GPHN: variants seen among roughly 807,000 people sequenced by gnomAD.
GPHN encodes the protein gephyrin.
GPHN carries 17 observed loss-of-function variants against 95.5 expected under a neutral mutation model. The observed-to-expected ratio is 0.18, with a 90% CI of 0.12 to 0.27. GPHN has a LOEUF of 0.27. Ranked by LOEUF, GPHN falls within the 10% of genes least tolerant of loss-of-function variation. GPHN has a pLI of 1.00. For synonymous variants in GPHN, 320 were observed against 322.5 expected, an observed-to-expected ratio of 0.99 and a Z score of 0.08; for missense variants, 660 against 978.1, an observed-to-expected ratio of 0.67 and a Z score of 4.34.
chr14:67,088,906 A>T, intron 11 of GPHN, 77 bp from the exon 12 acceptor site: 1 of 811,654 alleles, frequency 1.2e-6, no homozygotes, highest in Non-Finnish European at 2.2e-6. Context: ...ACAAGCACTC[A>T]TGCCCATCTT....
the GPHN span, among the ~76,000 whole-genome samples, chr14:67,243,877 C>T: frequency 5.9e-5 from 9 of 152,270 alleles, no homozygotes; most frequent in East Asian, 1.5e-3. Flanking sequence ...AGTCTAACCT[C>T]TTCATTTTCC....
intron 1 of GPHN, among the ~76,000 whole-genome samples, chr14:66,527,241 T>A (rs2058726828): frequency 6.6e-6 from 1 of 152,224 alleles, no homozygotes; most frequent in African/African-American, 2.4e-5. Flanking sequence ...TCTTCTAGAT[T>A]TTCTAGTTTA....
chr14:67,198,182 G>C, the GPHN span: 1 of 1,612,890 alleles, frequency 6.2e-7, no homozygotes, highest in Non-Finnish European at 8.5e-7. Context: ...ACACCAGCAA[G>C]ACTACCATGA....
chr14:67,572,299 GGCAGGGTGGAA>G, the GPHN span: 11 of 1,569,942 alleles, frequency 7.0e-6, no homozygotes, highest in Non-Finnish European at 7.7e-6. Flanking sequence ...AACGGGCGGG[GGCAGGGTGGAA>G]GCAGAATGCA....
chr14:67,540,625 CA>C, the GPHN span, among the ~76,000 whole-genome samples: 10,289 of 122,946 alleles, frequency 0.084, 931 homozygotes, highest in African/African-American at 0.25. Flanking sequence ...GACTCTCCCT[CA>C]AAAAAAAAAA....
chr14:67,339,468 G>A, the GPHN span, among the ~76,000 whole-genome samples: 1 of 152,024 alleles, frequency 6.6e-6, no homozygotes, highest in Non-Finnish European at 1.5e-5. Context: ...CTAACTCCAG[G>A]TCTAAGACCC....
At chr14:67,627,900 T>C in the GPHN span, among the ~76,000 whole-genome samples, 2 of 152,238 alleles carry the variant, frequency 1.3e-5, no homozygotes, top group South Asian at 4.1e-4. Context: ...AATGAGCTTG[T>C]TTGTTTAAGG....
the GPHN span, chr14:67,684,957 C>A: frequency 6.8e-7 from 1 of 1,465,462 alleles, no homozygotes. Flanking sequence ...CCCAGACAAA[C>A]CCAAATTATC....
chr14:67,607,651 C>A, the GPHN span, among the ~76,000 whole-genome samples: 1 of 152,186 alleles, frequency 6.6e-6, no homozygotes, highest in Non-Finnish European at 1.5e-5. Context: ...AGGCGTGAGC[C>A]ACCACGCCCG....
intron 1 of GPHN, among the ~76,000 whole-genome samples, chr14:66,524,133 A>G (rs1367052635): frequency 1.3e-5 from 2 of 152,122 alleles, no homozygotes; most frequent in African/African-American, 2.4e-5. Context: ...TGTGGGTACT[A>G]TGGTTATGGA....
At chr14:67,343,206 AC>A in the GPHN span, among the ~76,000 whole-genome samples, 1 of 151,762 alleles carries the variant, frequency 6.6e-6, no homozygotes, top group Admixed American at 6.6e-5. Flanking sequence ...ACACTTCATA[AC>A]ACTTTTTTTT....
At chr14:67,186,255 T>C (rs574835099), downstream of GPHN, among the ~76,000 whole-genome samples, 1 of 151,432 alleles carries the variant, frequency 6.6e-6, no homozygotes, top group East Asian at 2.0e-4. Context: ...AGGAAAACAA[T>C]TTAAATGCAG....
the GPHN span, among the ~76,000 whole-genome samples, chr14:67,419,810 C>G: frequency 6.6e-6 from 1 of 151,188 alleles, no homozygotes; most frequent in African/African-American, 2.4e-5. Flanking sequence ...GATCGCGCCA[C>G]GGCACTCCAG....
chr14:66,747,660 A>G (rs2058204957), intron 2 of GPHN, among the ~76,000 whole-genome samples: 1 of 151,540 alleles, frequency 6.6e-6, no homozygotes, highest in African/African-American at 2.4e-5. Flanking sequence ...AAATTGTTTT[A>G]TTATTTTTTC....
At chr14:66,535,473 A>G (rs1212489667) in intron 1 of GPHN, among the ~76,000 whole-genome samples, 1 of 151,856 alleles carries the variant, frequency 6.6e-6, no homozygotes, top group African/African-American at 2.4e-5. Flanking sequence ...TTCCATATAC[A>G]TTTAGAATCA....
At chr14:67,564,466 T>G in the GPHN span, among the ~76,000 whole-genome samples, 1 of 152,040 alleles carries the variant, frequency 6.6e-6, no homozygotes, top group Non-Finnish European at 1.5e-5. Context: ...AGATCATTCT[T>G]TTTTTAACTG....
At chr14:67,587,000 G>A in the GPHN span, 1 of 1,527,084 alleles carries the variant, frequency 6.5e-7, no homozygotes, top group African/African-American at 1.4e-5. Context: ...CTCAGCATAA[G>A]AGCTAATAAG....
intron 3 of GPHN, among the ~76,000 whole-genome samples, chr14:66,788,303 C>T (rs990111029): frequency 3.3e-5 from 5 of 152,154 alleles, no homozygotes; most frequent in South Asian, 2.1e-4. Context: ...AACGAGACTC[C>T]GTCTCAAAAA....
At chr14:66,616,502 C>T (rs1416465548) in intron 1 of GPHN, among the ~76,000 whole-genome samples, 4 of 151,756 alleles carry the variant, frequency 2.6e-5, no homozygotes, top group Admixed American at 6.6e-5. Flanking sequence ...GCTGGGGGTT[C>T]ACTTCAGGCC....
Sources: gnomAD v4.1 joint callset for allele counts (sites outside exome capture counted in the v4.1 genomes callset) on GRCh38, gnomAD v4.1.1 for gene constraint, MANE v1.5 for transcripts, NCBI Gene and HGNC (gene_info 2026-07-23, HGNC 2026-07-21) for gene names.